Variants in ADGRL2 observed in about 807,000 individuals in gnomAD.
The protein encoded by ADGRL2 is calcium-independent alpha-latrotoxin receptor 2.
Under a neutral mutation model 157.4 loss-of-function variants are expected in ADGRL2, and 44 were observed. That is an observed-to-expected ratio of 0.28 (90% CI 0.22 to 0.36). ADGRL2 has a LOEUF of 0.36. ADGRL2 is among the 10% of genes least tolerant of loss of function. ADGRL2 has a pLI of 1.00. For missense variants in ADGRL2, 1,510 were observed against 1,768.9 expected, an observed-to-expected ratio of 0.85 and a Z score of 2.63; for synonymous variants, 585 against 624.7, an observed-to-expected ratio of 0.94 and a Z score of 0.95.
At chr1:81,661,329 T>A (rs1471373325) in intron 3 of ADGRL2, among the ~76,000 whole-genome samples, 1 of 152,242 alleles carries the variant, frequency 6.6e-6, no homozygotes, top group African/African-American at 2.4e-5. Context: ...CCAGATTCCT[T>A]GATTCAAACC....
intron 2 of ADGRL2, among the ~76,000 whole-genome samples, chr1:81,889,964 CCTCTG>C (rs2094218674): frequency 6.6e-6 from 1 of 152,216 alleles, no homozygotes; most frequent in Non-Finnish European, 1.5e-5. Context: ...ACCTCGGTCT[CCTCTG>C]CTTTAATGCT....
At chr1:81,704,798 T>C (rs1326672158) in intron 1 of ADGRL2, among the ~76,000 whole-genome samples, 2 of 152,184 alleles carry the variant, frequency 1.3e-5, no homozygotes, top group East Asian at 3.8e-4. Flanking sequence ...GGAGTGTATG[T>C]AGGGGATTTG....
At chr1:81,423,977 G>C (rs1237721608) in intron 1 of ADGRL2, among the ~76,000 whole-genome samples, 1 of 152,142 alleles carries the variant, frequency 6.6e-6, no homozygotes, top group African/African-American at 2.4e-5. Context: ...CTATATAGTT[G>C]GTTGTTCTTA....
intron 1 of ADGRL2, among the ~76,000 whole-genome samples, chr1:81,732,290 C>A (rs952387799): frequency 4.6e-5 from 7 of 152,180 alleles, no homozygotes; most frequent in South Asian, 4.1e-4. Context: ...AGAAATACAT[C>A]AGCTACATAT....
chr1:81,558,282 G>A (rs1183709771), intron 2 of ADGRL2, among the ~76,000 whole-genome samples: 7 of 152,134 alleles, frequency 4.6e-5, no homozygotes, highest in African/African-American at 1.4e-4. Context: ...AAGGAGAAAA[G>A]GAACTAAGAA....
intron 3 of ADGRL2, among the ~76,000 whole-genome samples, chr1:81,628,073 G>T (rs2081944491): frequency 6.6e-6 from 1 of 152,074 alleles, no homozygotes; most frequent in Non-Finnish European, 1.5e-5. Flanking sequence ...GCATCACATT[G>T]AAAAAATATA....
chr1:81,329,093 G>A (rs1352361778), intron 1 of ADGRL2, among the ~76,000 whole-genome samples: 4 of 152,042 alleles, frequency 2.6e-5, no homozygotes, highest in African/African-American at 4.8e-5. Context: ...GAGTTTTCAC[G>A]ATTATAAGCC....
intron 2 of ADGRL2, chr1:81,502,881 T>G (rs1227047162): frequency 6.2e-7 from 1 of 1,613,300 alleles, no homozygotes; most frequent in African/African-American, 1.3e-5. Context: ...TTCCCATCCT[T>G]GGGCTTGGCT....
At chr1:81,407,794 G>A (rs769751285) in intron 1 of ADGRL2, among the ~76,000 whole-genome samples, 17 of 152,170 alleles carry the variant, frequency 1.1e-4, no homozygotes, top group Non-Finnish European at 2.4e-4. Context: ...AATGAAATAG[G>A]GGAAGGAGAA....
chr1:81,941,181 C>T (rs980015630), intron 4 of ADGRL2, among the ~76,000 whole-genome samples: 2 of 150,414 alleles, frequency 1.3e-5, no homozygotes, highest in South Asian at 4.2e-4. Flanking sequence ...ATTTTGCTTA[C>T]TTTTTTTATA....
chr1:81,836,928 G>T lies in ADGRL2; in HGVS notation c.-57G>T. Reference sequence around the variant, plus strand: ...CAGACTGATGGTTTTGATGAAGCTGGGCATTTATAACTAGATTCATTAAGG... The same window carrying T: ...CAGACTGATGGTTTTGATGAAGCTGTGCATTTATAACTAGATTCATTAAGG... On this transcript the variant is annotated 5_prime_UTR_variant, in exon 2 of 24. Coordinates refer to ENST00000686636, the MANE Select transcript of ADGRL2 (RefSeq NM_001366006.2). 4.0e-6 allele frequency: 4 copies of T among 991,110 alleles called. No homozygotes were observed. Among genetic ancestry groups the T allele is most frequent in the South Asian group, 2.9e-5 (2 of 68,216 alleles). 61.4% of individuals were successfully genotyped at this position (991,110 alleles called of 1,614,324 possible). A position where few individuals can be genotyped will look rare whatever the true frequency, so the allele number is the denominator to read the frequency against.
intron 3 of ADGRL2, among the ~76,000 whole-genome samples, chr1:81,676,023 C>T (rs759358873): frequency 3.9e-5 from 6 of 151,944 alleles, no homozygotes; most frequent in Non-Finnish European, 5.9e-5. Flanking sequence ...TGTTTTGAGA[C>T]GGAGTTTTGC....
intron 1 of ADGRL2, among the ~76,000 whole-genome samples, chr1:81,741,334 A>G (rs1278133261): frequency 3.3e-5 from 5 of 152,072 alleles, no homozygotes; most frequent in Non-Finnish European, 4.4e-5. Flanking sequence ...ACTGGGCAGT[A>G]TATTTTACAT....
chr1:81,369,082 G>A (rs542323689), intron 1 of ADGRL2, among the ~76,000 whole-genome samples: 37 of 150,702 alleles, frequency 2.5e-4, no homozygotes, highest in Non-Finnish European at 4.9e-4. Flanking sequence ...TGAATAAAGT[G>A]AAAAGGAATA....
chr1:81,991,246 T>C lies in ADGRL2; in HGVS notation c.*101T>C. ...CTCAAACTCTGCTTGAAGAGATGAC[T>C]CTTGACCTGTGGTTCTCTGGTGTAA... On this transcript the variant is annotated 3_prime_UTR_variant, in exon 24 of 24. Coordinates refer to ENST00000686636, the MANE Select transcript of ADGRL2 (RefSeq NM_001366006.2). 1 of 1,075,202 alleles carries C rather than the reference T, an allele frequency of 9.3e-7. No individual in the cohort carries two copies. The highest frequency in any genetic ancestry group is 1.3e-6 in the Non-Finnish European group (1 of 750,120). The allele number at this position is 1,075,202 out of a possible 1,614,324, so 66.6% of individuals were successfully genotyped here.
chr1:81,797,791 T>C (rs1356825500), upstream of ADGRL2, among the ~76,000 whole-genome samples: 1 of 152,148 alleles, frequency 6.6e-6, no homozygotes, highest in African/African-American at 2.4e-5. Flanking sequence ...TTACTAAAAT[T>C]AAAAACATGA....
chr1:81,901,521 G>A (rs1466596107), intron 2 of ADGRL2, among the ~76,000 whole-genome samples: 1 of 151,774 alleles, frequency 6.6e-6, no homozygotes, highest in Non-Finnish European at 1.5e-5. Context: ...TGATTCTGAT[G>A]TAACCATATT....
rs1557595219 is a variant in ADGRL2, at chr1:81,322,125, C to CACACATATATATAT, written c.-302+15621_-302+15622insTATATATATACACA. Among the ~76,000 whole-genome samples, 63 of 119,602 alleles carry CACACATATATATAT rather than the reference C, an allele frequency of 5.3e-4. 1 individual carries two copies. Among genetic ancestry groups the CACACATATATATAT allele is most frequent in the African/African-American group, 1.4e-3 (47 of 32,512 alleles). The allele number at this position is 119,602 out of a possible 152,430, so 78.5% of individuals were successfully genotyped here. On this transcript the variant is annotated intron_variant, in intron 1 of 24. Transcript: ENST00000370721. ...ATATATATATACACATATATATATA[C>CACACATATATATAT]ACACACACACGTACATATATATACA...
chr1:81,720,382 C>T (rs1411703079), intron 1 of ADGRL2, among the ~76,000 whole-genome samples: 1 of 151,962 alleles, frequency 6.6e-6, no homozygotes, highest in African/African-American at 2.4e-5. Flanking sequence ...GTTGCTCAGG[C>T]TGGTCTCAAA....
Sources: gnomAD v4.1 joint callset for allele counts (sites outside exome capture counted in the v4.1 genomes callset) on GRCh38, gnomAD v4.1.1 for gene constraint, MANE v1.5 for transcripts, NCBI Gene and HGNC (gene_info 2026-07-23, HGNC 2026-07-21) for gene names.